The following ATG4B variants were observed in gnomAD, a reference collection of about 807,000 sequenced individuals.
ATG4B encodes autophagy related 4B cysteine peptidase, also known as cysteine protease ATG4B.
A neutral mutation model predicts 56.6 loss-of-function variants in ATG4B; 29 were observed. The observed-to-expected ratio is 0.51, with a 90% CI of 0.38 to 0.70. The LOEUF is 0.70. Among genes scored for constraint, ATG4B ranks in the 30% least tolerant of loss-of-function variants. The pLI, the probability that ATG4B is intolerant of heterozygous loss-of-function variation, is 0.00. For synonymous variants in ATG4B, 224 were observed against 206.1 expected (o/e 1.09, Z -0.74); for missense variants, 461 against 515.5 (o/e 0.89, Z 1.02).
intron 5 of ATG4B, chr2:241,655,023 G>C: frequency 1.7e-6 from 1 of 587,312 alleles, no homozygotes; most frequent in Non-Finnish European, 3.0e-6. Flanking sequence ...TGAGCACTGT[G>C]TTTTCACTTA....
At chr2:241,653,697 C>T in intron 4 of ATG4B, 87 bp downstream of exon 4, 4 of 1,200,128 alleles carry the variant, frequency 3.3e-6, no homozygotes, top group Non-Finnish European at 4.7e-6. Flanking sequence ...TTAGAGCAGA[C>T]CACAGGTAAA....
intron 5 of ATG4B, 138 bp downstream of exon 5, chr2:241,654,785 C>A: frequency 1.5e-6 from 1 of 680,300 alleles, no homozygotes; most frequent in Non-Finnish European, 2.6e-6. Flanking sequence ...GACCTCTGAC[C>A]ATCTGTGCGC....
chr2:241,663,873 G>A (rs149835401), intron 7 of ATG4B, among the ~76,000 whole-genome samples: 4 of 151,106 alleles, frequency 2.6e-5, no homozygotes, highest in Admixed American at 6.6e-5. Context: ...GTGGTGGCAC[G>A]ATCTTGGCTC....
In ATG4B at chr2:241,649,167, C is replaced by T. The variant is rs1490669452; in HGVS notation, c.11-1843C>T. 2.0e-5 allele frequency among the ~76,000 whole-genome samples: 3 copies of T among 152,174 alleles called. No homozygotes were observed. The East Asian group carries it at 5.8e-4, about 29-fold the overall frequency. The stretch of plus-strand genomic sequence containing the variant: ...TTAAATTCTGACTGCCCCCTGCCTC[C>T]CCAAGGGGATTGTGCACAGCACAGA... On this transcript the variant is annotated intron_variant, in intron 1 of 12. Transcript: ENST00000404914.
At chr2:241,653,675 G>A in intron 4 of ATG4B, 65 bp downstream of exon 4, 1 of 1,459,848 alleles carries the variant, frequency 6.9e-7, no homozygotes. Context: ...GGGACTGTGG[G>A]GTCAGGGCTC....
At chr2:241,659,421 C>T (rs1318926669) in intron 7 of ATG4B, 3 of 603,928 alleles carry the variant, frequency 5.0e-6, no homozygotes, top group East Asian at 7.0e-5. Flanking sequence ...GACTTGGTAT[C>T]TCACGTCGTG....
At chr2:241,669,964 C>T (rs1275584504) in intron 10 of ATG4B, among the ~76,000 whole-genome samples, 1 of 152,094 alleles carries the variant, frequency 6.6e-6, no homozygotes, top group Non-Finnish European at 1.5e-5. Flanking sequence ...GAGGAGTGGA[C>T]GCGTGAACGT....
intron 1 of ATG4B, among the ~76,000 whole-genome samples, chr2:241,643,233 C>G (rs996536816): frequency 6.6e-6 from 1 of 151,812 alleles, no homozygotes; most frequent in Non-Finnish European, 1.5e-5. Flanking sequence ...GAGGCAGGGT[C>G]TCACTTCATC....
chr2:241,670,615 C>T (rs2068936679), intron 10 of ATG4B, 111 bp from the exon 11 acceptor site: 2 of 1,020,050 alleles, frequency 2.0e-6, no homozygotes, highest in Non-Finnish European at 3.0e-6. Flanking sequence ...TGTCCAGCAC[C>T]TGCATGCTGG....
Position 241,651,192 on chromosome 2 carries a change from C to T in ATG4B, c.113-72C>T. The T allele has an allele frequency of 6.4e-7, 1 of 1,556,014 alleles. No individual in the cohort carries two copies. On this transcript the variant is annotated intron_variant, in intron 2 of 12. Coordinates refer to ENST00000404914, the MANE Select transcript of ATG4B (RefSeq NM_013325.5). The surrounding 1 kb of genome is among the most constrained non-coding windows in gnomAD (Gnocchi z 4.1). The stretch of plus-strand genomic sequence containing the variant: ...TTGTGATCACTGTTCTCTGCTAACT[C>T]TGCCATAACTTGTGACTTGCAAACT...
intron 8 of ATG4B, among the ~76,000 whole-genome samples, chr2:241,667,607 T>TAAAA (rs772264425): frequency 8.7e-6 from 1 of 115,470 alleles, no homozygotes; most frequent in Non-Finnish European, 1.8e-5. Context: ...CCATCTCAAA[T>TAAAA]AAAAAAAAAA....
chr2:241,644,279 G>A (rs1455063277), intron 1 of ATG4B, among the ~76,000 whole-genome samples: 2 of 152,152 alleles, frequency 1.3e-5, no homozygotes, highest in Admixed American at 1.3e-4. Context: ...GAAGGGGGAG[G>A]TTGCAGTGAG....
chr2:241,672,634 C>G lies in ATG4B; in HGVS notation c.*370C>G. 4.0e-6 allele frequency: 1 copy of G among 249,502 alleles called. No individual in the cohort carries two copies. Among genetic ancestry groups the G allele is most frequent in the Non-Finnish European group, 7.6e-6 (1 of 130,766 alleles). The allele number at this position is 249,502 out of a possible 1,614,324, so 15.5% of individuals were successfully genotyped here. ...AAGTCCTGTTTGAAGTTGTCAGACA[C>G]AGACATGAATTTCTGGGCGCTCCCT... On this transcript the variant is annotated 3_prime_UTR_variant, in exon 13 of 13. Coordinates refer to ENST00000404914, the MANE Select transcript of ATG4B (RefSeq NM_013325.5).
At chr2:241,658,872 A>G (rs1279950753) in intron 6 of ATG4B, among the ~76,000 whole-genome samples, 1 of 152,210 alleles carries the variant, frequency 6.6e-6, no homozygotes, top group Non-Finnish European at 1.5e-5. Flanking sequence ...TGTGCTCTCT[A>G]TGAATGGAGG....
chr2:241,655,085 G>C, intron 5 of ATG4B, 186 bp from the exon 6 acceptor site: 2 of 617,044 alleles, frequency 3.2e-6, no homozygotes, highest in South Asian at 3.9e-5. Flanking sequence ...TCATAGTGAA[G>C]GACAGTCCCT....
intron 7 of ATG4B, among the ~76,000 whole-genome samples, chr2:241,661,248 A>G (rs1443871314): frequency 2.6e-5 from 4 of 152,260 alleles, no homozygotes; most frequent in Non-Finnish European, 2.9e-5. Context: ...TCACAGGAGC[A>G]TGTGGAAGGT....
At chr2:241,645,954 G>A (rs71430372) in intron 1 of ATG4B, among the ~76,000 whole-genome samples, 17,123 of 152,104 alleles carry the variant, frequency 0.11, 1,230 homozygotes, top group Non-Finnish European at 0.15. Flanking sequence ...GTTCGCCGTG[G>A]CTGCGCCACT....
rs374079664 is a variant in ATG4B at position 241,666,672 on chromosome 2, G to T, written c.566G>T (p.Cys189Phe). Reference sequence around the variant, plus strand: ...AGGTTGTGCAGGACCAGCGTTCCCTGTGCAGGCGCCACTGCGTTTCCTGCA... The same window carrying T: ...AGGTTGTGCAGGACCAGCGTTCCCTTTGCAGGCGCCACTGCGTTTCCTGCA... ...IRRLCRTSVP[C>F]AGATAFPADS... Residue 189 changes from cysteine to phenylalanine, a missense_variant, in exon 8 of 13, where the codon TGT becomes TTT. Physicochemically the swap from Cys to Phe is radical, Grantham distance 205. Coordinates refer to ENST00000404914, the MANE Select transcript of ATG4B (RefSeq NM_013325.5). 6.2e-7 allele frequency: 1 copy of T among 1,613,414 alleles called. No homozygotes were observed. The highest frequency in any genetic ancestry group is 8.5e-7 in the Non-Finnish European group (1 of 1,179,786).
intron 7 of ATG4B, chr2:241,659,533 CAG>C (rs1276430096): frequency 5.4e-6 from 2 of 370,210 alleles, no homozygotes; most frequent in Non-Finnish European, 5.4e-6. Context: ...TGATGTGCGA[CAG>C]AGAGATGTAG....
Sources: gnomAD v4.1 joint callset for allele counts (sites outside exome capture counted in the v4.1 genomes callset) on GRCh38, gnomAD v4.1.1 for gene constraint, Gnocchi (gnomAD v3.1) non-coding constraint, MANE v1.5 for transcripts, NCBI Gene and HGNC (gene_info 2026-07-23, HGNC 2026-07-21) for gene names.